Variants in NTRK2 observed in about 807,000 individuals in gnomAD.
NTRK2 encodes neurotrophic receptor tyrosine kinase 2, also known as BDNF/NT-3 growth factors receptor.
NTRK2 carries 13 observed loss-of-function variants against 94.5 expected under a neutral mutation model. The ratio of observed to expected loss-of-function variants is 0.14; its 90% CI spans 0.09 to 0.22. NTRK2 has a LOEUF of 0.22. NTRK2 is among the 10% of genes least tolerant of loss of function. The probability of loss-of-function intolerance (pLI) is 1.00; values close to 1 mark genes in which losing one functional copy is unlikely to be tolerated. For missense variants in NTRK2, 639 were observed against 1,071.2 expected (o/e 0.60, Z 5.63); for synonymous variants, 372 against 407.4 (o/e 0.91, Z 1.05).
At chr9:84,925,201 C>CTTTTTTTTTTTTTTTT (rs562875058) in intron 14 of NTRK2, among the ~76,000 whole-genome samples, 2 of 141,292 alleles carry the variant, frequency 1.4e-5, no homozygotes, top group African/African-American at 5.2e-5. Context: ...TTCTCTTCTT[C>CTTTTTTTTTTTTTTTT]TTTTTTTTTT....
At chr9:84,744,260 A>G in intron 10 of NTRK2, among the ~76,000 whole-genome samples, 1 of 152,212 alleles carries the variant, frequency 6.6e-6, no homozygotes, top group Non-Finnish European at 1.5e-5. Context: ...GAAGGCAGCA[A>G]CTGCATTTGC....
intron 13 of NTRK2, among the ~76,000 whole-genome samples, chr9:84,863,308 A>G (rs2075419032): frequency 6.6e-6 from 1 of 152,212 alleles, no homozygotes; most frequent in Non-Finnish European, 1.5e-5. Flanking sequence ...GACCAAGCAG[A>G]CATATTAAAA....
intron 17 of NTRK2, among the ~76,000 whole-genome samples, chr9:84,987,512 C>G (rs973990367): frequency 6.6e-6 from 1 of 152,118 alleles, no homozygotes; most frequent in African/African-American, 2.4e-5. Flanking sequence ...TCCCTCCTAG[C>G]TTTACGAAAA....
intron 12 of NTRK2, among the ~76,000 whole-genome samples, chr9:84,845,250 TACACACAC>T (rs58910921): frequency 5.4e-4 from 80 of 147,974 alleles, no homozygotes; most frequent in Non-Finnish European, 7.3e-4. Context: ...ATGTGGTGTA[TACACACAC>T]ACACACACAC....
At chr9:84,821,445 G>T (rs1297387940) in intron 12 of NTRK2, among the ~76,000 whole-genome samples, 2 of 152,114 alleles carry the variant, frequency 1.3e-5, no homozygotes, top group Non-Finnish European at 2.9e-5. Context: ...CCTCCTCAGT[G>T]CTTACTGTGC....
intron 12 of NTRK2, among the ~76,000 whole-genome samples, chr9:84,786,987 A>T (rs1365927146): frequency 6.6e-6 from 1 of 151,956 alleles, no homozygotes; most frequent in African/African-American, 2.4e-5. Context: ...GCTATCAAAG[A>T]CAATGCAGAT....
rs1169880026 is a variant in NTRK2 at position 84,670,959 on chromosome 9, A to G, written c.211A>G (p.Ile71Val). The G allele has an allele frequency of 3.7e-6, 6 of 1,602,162 alleles. No homozygotes were observed. In the African/African-American group the frequency reaches 6.7e-5, roughly 18 times the overall value. The stretch of plus-strand genomic sequence containing the variant: ...TGTAGATCCTGAGAACATCACCGAA[A>G]TGTGAGTTCCTGGAGCTTTTCCTCC... ...NSVDPENITEIFIANQKRLEI... is the reference protein window; with the variant it reads ...NSVDPENITEVFIANQKRLEI... The change falls in exon 2 of 19, where the codon ATT becomes GTT. Residue 71 changes from isoleucine (I) to valine (V), a missense_variant and splice_region_variant. Ile to Val is a conservative substitution (Grantham distance 29). Coordinates refer to ENST00000277120, the MANE Select transcript of NTRK2 (RefSeq NM_006180.6).
intron 17 of NTRK2, among the ~76,000 whole-genome samples, chr9:85,019,163 T>C (rs537228085): frequency 3.9e-4 from 59 of 152,286 alleles, no homozygotes; most frequent in Non-Finnish European, 5.9e-4. Flanking sequence ...AAATACTAAC[T>C]GGATATTGAG....
chr9:84,713,879 G>A (rs2061553846), intron 6 of NTRK2, among the ~76,000 whole-genome samples: 1 of 148,348 alleles, frequency 6.7e-6, no homozygotes, highest in Non-Finnish European at 1.5e-5. Context: ...AACGTAACTA[G>A]ATGTGGGTTT....
At chr9:84,703,692 A>G (rs1432653442) in intron 4 of NTRK2, among the ~76,000 whole-genome samples, 1 of 152,220 alleles carries the variant, frequency 6.6e-6, no homozygotes, top group Admixed American at 6.5e-5. Context: ...TTCATATTTT[A>G]TAGGTGGCAT....
chr9:84,988,129 G>T (rs369791683), intron 17 of NTRK2, among the ~76,000 whole-genome samples: 2 of 152,330 alleles, frequency 1.3e-5, no homozygotes, highest in African/African-American at 4.8e-5. Flanking sequence ...GTGCCACAAA[G>T]AAGCTTGAGC....
At chr9:84,853,163 C>CTA (rs2131903383) in intron 12 of NTRK2, among the ~76,000 whole-genome samples, 1 of 152,238 alleles carries the variant, frequency 6.6e-6, no homozygotes, top group Non-Finnish European at 1.5e-5. Context: ...CTCAGGAAAG[C>CTA]TATATAAGGC....
chr9:84,982,689 A>C (rs1381466065), intron 17 of NTRK2, among the ~76,000 whole-genome samples: 1 of 152,234 alleles, frequency 6.6e-6, no homozygotes, highest in Non-Finnish European at 1.5e-5. Flanking sequence ...CACATTCCAT[A>C]TAATATAAAA....
intron 12 of NTRK2, chr9:84,812,099 C>G (rs2071870125): frequency 3.8e-6 from 4 of 1,059,562 alleles, no homozygotes; most frequent in Non-Finnish European, 4.6e-6. Flanking sequence ...TGCAATTTAG[C>G]TTTAAGGTTC....
At chr9:84,894,519 A>G (rs1299655838) in intron 14 of NTRK2, among the ~76,000 whole-genome samples, 1 of 152,068 alleles carries the variant, frequency 6.6e-6, no homozygotes, top group East Asian at 1.9e-4. Context: ...TTCCCCCACC[A>G]TACCCCACAA....
intron 14 of NTRK2, among the ~76,000 whole-genome samples, chr9:84,905,936 G>A (rs997420605): frequency 6.6e-6 from 1 of 152,228 alleles, no homozygotes; most frequent in Non-Finnish European, 1.5e-5. Context: ...CTGGGTACAT[G>A]AGTAAACGGT....
At position 84,852,499 on chromosome 9, in the gene NTRK2, T is replaced by C. The variant is rs544783366; in HGVS notation, c.1397-8541T>C. 2.0e-5 allele frequency among the ~76,000 whole-genome samples: 3 copies of C among 152,326 alleles called. No individual in the cohort carries two copies. The South Asian group carries it at 6.2e-4, about 32-fold the overall frequency. On this transcript the variant is annotated intron_variant, in intron 12 of 18. Transcript: ENST00000277120. ...ATGACTTTCTCACGTCTGTCAACTC[T>C]TATTATTAAGCAGAGGTTGCCCCTG...
At chr9:84,671,012 C>G (rs887256994) in intron 2 of NTRK2, 52 bp downstream of exon 2, 22 of 1,558,584 alleles carry the variant, frequency 1.4e-5, no homozygotes, top group African/African-American at 4.0e-5. Flanking sequence ...AGGGCCCGAG[C>G]TGGCCAGGTG....
chr9:84,936,707 C>T (rs1211038582), intron 15 of NTRK2, among the ~76,000 whole-genome samples: 5 of 152,164 alleles, frequency 3.3e-5, no homozygotes, highest in Non-Finnish European at 5.9e-5. Flanking sequence ...AATCCCAACT[C>T]TTCTCTTTGC....
Sources: gnomAD v4.1 joint callset for allele counts (sites outside exome capture counted in the v4.1 genomes callset) on GRCh38, gnomAD v4.1.1 for gene constraint, MANE v1.5 for transcripts, NCBI Gene and HGNC (gene_info 2026-07-23, HGNC 2026-07-21) for gene names.